MICAL2: variants seen among roughly 807,000 people sequenced by gnomAD.
MICAL2 encodes the protein microtubule associated monooxygenase, calponin and LIM domain containing 2, also known as [F-actin]-monooxygenase MICAL2.
MICAL2 carries 77 observed loss-of-function variants against 127.3 expected under a neutral mutation model. That is an observed-to-expected ratio of 0.60 (90% CI 0.50 to 0.73). The LOEUF (loss-of-function observed/expected upper bound fraction) is 0.73. Among genes scored for constraint, MICAL2 ranks in the 30% least tolerant of loss-of-function variants. The pLI is 0.00. For synonymous variants in MICAL2, 570 were observed against 551.1 expected, an observed-to-expected ratio of 1.03 and a Z score of -0.48; for missense variants, 1,351 against 1,434.4, an observed-to-expected ratio of 0.94 and a Z score of 0.94.
intron 3 of MICAL2, among the ~76,000 whole-genome samples, chr11:12,180,350 T>TATATATATATA (rs1554968182): frequency 0.011 from 1,101 of 104,086 alleles, 23 homozygotes; most frequent in African/African-American, 0.054. Flanking sequence ...TATGTATATA[T>TATATATATATA]TTTTTTTTTG....
chr11:12,175,158 C>T (rs868696516), intron 3 of MICAL2, among the ~76,000 whole-genome samples: 1 of 151,718 alleles, frequency 6.6e-6, no homozygotes, highest in Non-Finnish European at 1.5e-5. Context: ...TGCTACATGC[C>T]AGGTGCTAGG....
chr11:12,151,713 T>A (rs1363500907), intron 2 of MICAL2, among the ~76,000 whole-genome samples: 5 of 152,072 alleles, frequency 3.3e-5, no homozygotes, highest in African/African-American at 9.7e-5. Flanking sequence ...AAAACCACTA[T>A]GGGGGATTCT....
chr11:12,275,698 A>C (rs181253434), upstream of MICAL2, among the ~76,000 whole-genome samples: 3 of 152,376 alleles, frequency 2.0e-5, no homozygotes, highest in South Asian at 4.1e-4. Flanking sequence ...GCAGCAGTTC[A>C]GAGGCTGGTT....
downstream of MICAL2, among the ~76,000 whole-genome samples, chr11:12,291,631 A>T (rs1406131264): frequency 1.3e-5 from 2 of 152,218 alleles, no homozygotes; most frequent in Non-Finnish European, 1.5e-5. Context: ...TTAAAATCTC[A>T]AACGACTCTT....
chr11:12,200,016 C>A (rs1043076885), intron 3 of MICAL2, among the ~76,000 whole-genome samples: 2 of 152,148 alleles, frequency 1.3e-5, no homozygotes, highest in African/African-American at 4.8e-5. Flanking sequence ...ACTGAAACAT[C>A]CCAGTTGTGA....
chr11:12,205,712 A>G (rs1590343044), intron 4 of MICAL2, among the ~76,000 whole-genome samples: 1 of 152,342 alleles, frequency 6.6e-6, no homozygotes, highest in Non-Finnish European at 1.5e-5. Context: ...TCTGTCTCCT[A>G]GAATTGCTGA....
At chr11:12,293,577 C>A (rs762790045), downstream of MICAL2, 1 of 1,609,646 alleles carries the variant, frequency 6.2e-7, no homozygotes, top group Non-Finnish European at 8.5e-7. Flanking sequence ...GCTTCTGAGC[C>A]CCTCTCGCAA....
chr11:12,342,793 C>T (rs181144770), intron 32 of MICAL2, among the ~76,000 whole-genome samples: 45 of 152,338 alleles, frequency 3.0e-4, no homozygotes, highest in Admixed American at 8.5e-4. Context: ...CCCAAAGTCA[C>T]ATGTTTGTAA....
intron 3 of MICAL2, among the ~76,000 whole-genome samples, chr11:12,176,778 G>T (rs1318926990): frequency 6.6e-6 from 1 of 152,068 alleles, no homozygotes; most frequent in Non-Finnish European, 1.5e-5. Flanking sequence ...TGTCTTCAAG[G>T]TTCATCCATG....
chr11:12,354,940 G>C, intron 34 of MICAL2: 2 of 1,293,442 alleles, frequency 1.5e-6, no homozygotes, highest in Non-Finnish European at 2.2e-6. Flanking sequence ...AGAGTGGGGC[G>C]CTCTTCCTGC....
intron 3 of MICAL2, among the ~76,000 whole-genome samples, chr11:12,183,973 T>G (rs1294255692): frequency 6.6e-6 from 1 of 152,066 alleles, no homozygotes; most frequent in Non-Finnish European, 1.5e-5. Flanking sequence ...CAGAGATGGG[T>G]TTTGCCATGT....
chr11:12,197,262 C>G (rs1860054941), intron 3 of MICAL2, among the ~76,000 whole-genome samples: 1 of 152,208 alleles, frequency 6.6e-6, no homozygotes, highest in Non-Finnish European at 1.5e-5. Flanking sequence ...TCCCCTGGTT[C>G]TATTACCATG....
intron 34 of MICAL2, among the ~76,000 whole-genome samples, chr11:12,357,699 G>A (rs1460957008): frequency 3.9e-5 from 6 of 152,074 alleles, no homozygotes; most frequent in Non-Finnish European, 8.8e-5. Context: ...TTGGCCAGGC[G>A]TGGTGGGAGA....
At chr11:12,182,692 G>T (rs1219457662) in intron 3 of MICAL2, among the ~76,000 whole-genome samples, 1 of 152,152 alleles carries the variant, frequency 6.6e-6, no homozygotes, top group African/African-American at 2.4e-5. Context: ...CGAGTCAGAG[G>T]TGGTGTCGTA....
intron 3 of MICAL2, among the ~76,000 whole-genome samples, chr11:12,195,197 C>T (rs1054801953): frequency 6.6e-6 from 1 of 152,154 alleles, no homozygotes; most frequent in East Asian, 1.9e-4. Context: ...TTCGAGGCTG[C>T]AGTGAGCCGT....
chr11:12,119,390 T>G (rs1023893883), intron 1 of MICAL2, among the ~76,000 whole-genome samples: 1 of 152,210 alleles, frequency 6.6e-6, no homozygotes, highest in Non-Finnish European at 1.5e-5. Flanking sequence ...TCTTCATCGC[T>G]CTTATGCTCT....
chr11:12,274,367 GACAAA>G, upstream of MICAL2: 1 of 152,058 alleles, frequency 6.6e-6, no homozygotes, highest in Non-Finnish European at 1.5e-5. Context: ...AAATGAAACA[GACAAA>G]AATCACTGCT....
intron 2 of MICAL2, among the ~76,000 whole-genome samples, chr11:12,144,154 C>T (rs570791715): frequency 1.3e-5 from 2 of 152,302 alleles, no homozygotes; most frequent in Admixed American, 1.3e-4. Flanking sequence ...CTTGTATCAA[C>T]AGTCCCTATC....
At chr11:12,123,699 G>T (rs921475180) in intron 1 of MICAL2, among the ~76,000 whole-genome samples, 8 of 152,064 alleles carry the variant, frequency 5.3e-5, no homozygotes, top group African/African-American at 1.9e-4. Flanking sequence ...ATTTTATAAT[G>T]GGAAAAATGC....
Sources: gnomAD v4.1 joint callset for allele counts (sites outside exome capture counted in the v4.1 genomes callset) on GRCh38, gnomAD v4.1.1 for gene constraint, MANE v1.5 for transcripts, NCBI Gene and HGNC (gene_info 2026-07-23, HGNC 2026-07-21) for gene names.